Variants in TMTC4 observed in about 807,000 individuals in gnomAD.
TMTC4 encodes the protein protein O-mannosyl-transferase TMTC4.
A neutral mutation model predicts 86.0 loss-of-function variants in TMTC4; 65 were observed. The ratio of observed to expected loss-of-function variants is 0.76; its 90% CI spans 0.62 to 0.93. The LOEUF is 0.93. Ranked by LOEUF, TMTC4 falls within the 40% of genes least tolerant of loss-of-function variation. TMTC4 has a pLI of 0.00. For synonymous variants in TMTC4, 379 were observed against 382.5 expected (o/e 0.99, Z 0.11); for missense variants, 866 against 948.1 (o/e 0.91, Z 1.14).
At chr13:100,661,221 T>C (rs1039390538) in intron 5 of TMTC4, among the ~76,000 whole-genome samples, 5 of 152,200 alleles carry the variant, frequency 3.3e-5, no homozygotes, top group African/African-American at 1.2e-4. Flanking sequence ...ATCTGGAATG[T>C]GGACTTTCAA....
chr13:100,650,402 C>T (rs1448307967), intron 6 of TMTC4, among the ~76,000 whole-genome samples: 2 of 152,236 alleles, frequency 1.3e-5, no homozygotes, highest in Admixed American at 6.5e-5. Flanking sequence ...TAATGAAGCA[C>T]GTGCCTCGGA....
At chr13:100,654,208 AG>A (rs1884799100) in intron 6 of TMTC4, among the ~76,000 whole-genome samples, 1 of 152,364 alleles carries the variant, frequency 6.6e-6, no homozygotes, top group East Asian at 1.9e-4. Flanking sequence ...TTTCTATGGA[AG>A]CCACATCTAC....
rs1473270062 is a variant in TMTC4, at chr13:100,668,559, A to G, written c.219+20T>C. 1 of 1,610,404 alleles carries G rather than the reference A, an allele frequency of 6.2e-7. No homozygotes were observed. Among genetic ancestry groups the G allele is most frequent in the Non-Finnish European group, 8.5e-7 (1 of 1,177,356 alleles). ...ACAGTTGGGCAGTTAAGTTTACCAG[A>G]AAAGAGTTGAGATACAAACCTTATT... On this transcript the variant is annotated intron_variant, in intron 3 of 18. Coordinates refer to ENST00000342624, the MANE Select transcript of TMTC4 (RefSeq NM_032813.5).
At chr13:100,666,710 G>A (rs957068172) in intron 3 of TMTC4, among the ~76,000 whole-genome samples, 2 of 152,220 alleles carry the variant, frequency 1.3e-5, no homozygotes, top group African/African-American at 4.8e-5. Flanking sequence ...CCACCAATCC[G>A]TGCTGGGCAT....
intron 16 of TMTC4, among the ~76,000 whole-genome samples, chr13:100,613,829 C>T (rs1449168497): frequency 8.0e-6 from 1 of 124,654 alleles, no homozygotes; most frequent in Non-Finnish European, 1.8e-5. Context: ...TCCCCCTCTC[C>T]CCCCTACCCG....
intron 9 of TMTC4, among the ~76,000 whole-genome samples, chr13:100,637,115 C>T (rs1353920584): frequency 6.6e-6 from 1 of 152,096 alleles, no homozygotes; most frequent in East Asian, 1.9e-4. Flanking sequence ...ATGAAATGCA[C>T]AGCTAAGAAT....
chr13:100,637,472 GGTGAGGGA>G, intron 9 of TMTC4, 58 bp downstream of exon 9: 2 of 1,549,952 alleles, frequency 1.3e-6, no homozygotes, highest in Non-Finnish European at 1.7e-6. Context: ...GAGGAGGAGG[GGTGAGGGA>G]TCTGGGAATC....
chr13:100,645,661 A>G (rs1350918188), intron 6 of TMTC4, among the ~76,000 whole-genome samples: 3 of 152,106 alleles, frequency 2.0e-5, no homozygotes, highest in African/African-American at 4.8e-5. Flanking sequence ...AGCCTTGTTC[A>G]CTGACTGCCC....
chr13:100,670,072 A>AT (rs1356954436), intron 2 of TMTC4, among the ~76,000 whole-genome samples: 1 of 152,082 alleles, frequency 6.6e-6, no homozygotes, highest in African/African-American at 2.4e-5. Context: ...GCACAGAATG[A>AT]TTTTCTGTGG....
intron 5 of TMTC4, 117 bp downstream of exon 5, chr13:100,662,847 C>A (rs761998287): frequency 1.9e-6 from 2 of 1,055,542 alleles, no homozygotes; most frequent in Non-Finnish European, 2.9e-6. Context: ...TAGACTTTCT[C>A]CAGCTCTGGA....
intron 17 of TMTC4, among the ~76,000 whole-genome samples, chr13:100,609,156 C>T (rs1303656528): frequency 6.6e-6 from 1 of 152,142 alleles, no homozygotes; most frequent in East Asian, 1.9e-4. Context: ...GAAGTCTGCA[C>T]TTGGTGGTGG....
chr13:100,638,082 T>A, intron 7 of TMTC4, 60 bp from the exon 8 acceptor site: 1 of 1,300,930 alleles, frequency 7.7e-7, no homozygotes, highest in Non-Finnish European at 1.1e-6. Flanking sequence ...AGGCAGCAAT[T>A]ACACTTCACA....
At chr13:100,618,121 G>A (rs1210831344) in intron 15 of TMTC4, among the ~76,000 whole-genome samples, 2 of 152,028 alleles carry the variant, frequency 1.3e-5, no homozygotes, top group Non-Finnish European at 2.9e-5. Context: ...TGCATTCTTG[G>A]TTTGGCTCTC....
At chr13:100,619,832 C>T (rs1000759002) in intron 15 of TMTC4, among the ~76,000 whole-genome samples, 1 of 152,218 alleles carries the variant, frequency 6.6e-6, no homozygotes, top group African/African-American at 2.4e-5. Flanking sequence ...CAATTCACTC[C>T]ACCAAGTGAT....
chr13:100,609,674 T>TACACAC (rs796361124), intron 17 of TMTC4, among the ~76,000 whole-genome samples: 1 of 89,496 alleles, frequency 1.1e-5, no homozygotes, highest in Non-Finnish European at 2.9e-5. Context: ...ACTAAATGTA[T>TACACAC]ATATATACAC....
At chr13:100,647,643 T>C (rs1316366745) in intron 6 of TMTC4, among the ~76,000 whole-genome samples, 2 of 152,198 alleles carry the variant, frequency 1.3e-5, no homozygotes, top group Non-Finnish European at 2.9e-5. Context: ...TTTTCCCCCA[T>C]GGACTTTGAA....
chr13:100,642,320 T>G lies in TMTC4; in HGVS notation c.641-9A>C. The G allele has an allele frequency of 6.2e-7, 1 of 1,614,096 alleles. No individual in the cohort carries two copies. On this transcript the variant is annotated splice_polypyrimidine_tract_variant and intron_variant, in intron 6 of 18. Transcript: ENST00000342624. The stretch of plus-strand genomic sequence containing the variant: ...CGCTCCCTCCTTGTTACCTGCCAAT[T>G]AAGAGAAATGATCAGTGCAAAAGTC...
intron 17 of TMTC4, among the ~76,000 whole-genome samples, chr13:100,609,171 T>A (rs1300102297): frequency 6.6e-6 from 1 of 152,102 alleles, no homozygotes; most frequent in African/African-American, 2.4e-5. Flanking sequence ...TGGTGGTGTG[T>A]GGGCCCCACC....
rs778505955 is a variant in TMTC4, at chr13:100,664,249, A to G, written c.307T>C (p.Tyr103His). The change falls in exon 4 of 19, where the codon TAC (tyrosine) becomes CAC (histidine). Residue 103 changes from tyrosine (Y) to histidine (H), a missense_variant. Transcript: ENST00000342624. Reference protein sequence around the residue: ...RLSSNTSHKSYRPLTVLTFRI... With the variant: ...RLSSNTSHKSHRPLTVLTFRI... ...AAAGTCAGGACGGTGAGAGGCCGGT[A>G]GGACTTGTGGCTGGTGTTGCTGCTC... 5.6e-6 allele frequency: 9 copies of G among 1,612,378 alleles called. No individual in the cohort carries two copies. Among genetic ancestry groups the G allele is most frequent in the Non-Finnish European group, 1.7e-6 (2 of 1,179,158 alleles).
Sources: allele counts gnomAD v4.1 joint callset (sites outside exome capture counted in the v4.1 genomes callset), GRCh38; gene constraint gnomAD v4.1.1; transcripts MANE v1.5; gene names NCBI Gene and HGNC (gene_info 2026-07-23, HGNC 2026-07-21).